IRAK1BP1: variants seen among roughly 807,000 people sequenced by gnomAD.
IRAK1BP1 encodes interleukin 1 receptor associated kinase 1 binding protein 1.
In IRAK1BP1, 24 loss-of-function variants were observed where a neutral mutation model predicts 28.0. That is an observed-to-expected ratio of 0.86 (90% CI 0.62 to 1.20). The LOEUF is 1.20. IRAK1BP1 is among the 50% of genes most tolerant of loss of function. The pLI is 0.00. For missense variants in IRAK1BP1, 336 were observed against 316.7 expected, an observed-to-expected ratio of 1.06 and a Z score of -0.46; for synonymous variants, 131 against 116.3, an observed-to-expected ratio of 1.13 and a Z score of -0.81.
At chr6:78,954,466 A>T in the IRAK1BP1 span, among the ~76,000 whole-genome samples, 1 of 152,124 alleles carries the variant, frequency 6.6e-6, no homozygotes, top group Admixed American at 6.6e-5. Flanking sequence ...CGTAGGCATT[A>T]TTCTTTTTTT....
intron 4 of IRAK1BP1, among the ~76,000 whole-genome samples, chr6:78,928,703 T>G (rs1772958394): frequency 6.6e-6 from 1 of 152,162 alleles, no homozygotes; most frequent in Admixed American, 6.5e-5. Context: ...CTATGTCCAG[T>G]TTCTTGAGCA....
intron 2 of IRAK1BP1, among the ~76,000 whole-genome samples, chr6:78,891,632 T>C (rs1771665677): frequency 6.6e-6 from 1 of 152,130 alleles, no homozygotes; most frequent in Non-Finnish European, 1.5e-5. Flanking sequence ...TGGCTAATTT[T>C]TGTAATTTTA....
chr6:78,930,438 G>A (rs570581266), intron 4 of IRAK1BP1, among the ~76,000 whole-genome samples: 1 of 151,910 alleles, frequency 6.6e-6, no homozygotes, highest in Non-Finnish European at 1.5e-5. Context: ...GTTCATTTTT[G>A]CAAATTCAAG....
chr6:78,966,124 G>A, the IRAK1BP1 span: 24 of 984,948 alleles, frequency 2.4e-5, no homozygotes, highest in South Asian at 5.2e-5. Flanking sequence ...TTTTCCTAAC[G>A]TTAACCTTTA....
intron 1 of IRAK1BP1, among the ~76,000 whole-genome samples, chr6:78,869,110 A>G (rs1489432131): frequency 1.3e-5 from 2 of 152,282 alleles, no homozygotes; most frequent in Non-Finnish European, 2.9e-5. Context: ...AGTGGGTTTA[A>G]TATGTAGAAA....
At chr6:78,885,726 G>A (rs1405595867) in intron 2 of IRAK1BP1, among the ~76,000 whole-genome samples, 16 of 152,046 alleles carry the variant, frequency 1.1e-4, no homozygotes, top group Non-Finnish European at 2.4e-4. Flanking sequence ...TGACACTACA[G>A]GAGAGAAATT....
chr6:78,875,506 TAAAG>T (rs77607930), intron 1 of IRAK1BP1, among the ~76,000 whole-genome samples: 50,177 of 151,788 alleles, frequency 0.33, 9,768 homozygotes, highest in East Asian at 0.68. Flanking sequence ...ATGGATTAGA[TAAAG>T]AAAATGTGAT....
At chr6:78,972,069 G>A in the IRAK1BP1 span, among the ~76,000 whole-genome samples, 1 of 152,080 alleles carries the variant, frequency 6.6e-6, no homozygotes, top group Non-Finnish European at 1.5e-5. Context: ...TCCACCTCTG[G>A]GGGCAGGGCA....
chr6:78,932,415 CTTTTTCTTTTTTTTT>C (rs1233332513), intron 4 of IRAK1BP1, among the ~76,000 whole-genome samples: 2 of 120,006 alleles, frequency 1.7e-5, no homozygotes, highest in Non-Finnish European at 3.6e-5. Flanking sequence ...TCTTTTCTTT[CTTTTTCTTTTTTTTT>C]TTTTTTTTGA....
At chr6:78,917,291 A>G (rs1290111225) in intron 4 of IRAK1BP1, among the ~76,000 whole-genome samples, 1 of 151,952 alleles carries the variant, frequency 6.6e-6, no homozygotes, top group Non-Finnish European at 1.5e-5. Context: ...GGAAAGCTTT[A>G]TCAATAGACT....
chr6:78,894,541 A>G (rs913551565), intron 2 of IRAK1BP1, among the ~76,000 whole-genome samples: 3 of 152,214 alleles, frequency 2.0e-5, no homozygotes, highest in Non-Finnish European at 4.4e-5. Context: ...AAATATTTAT[A>G]CATATAATAA....
At chr6:78,966,734 TCTAAATATTCTCATGTTC>T in the IRAK1BP1 span, among the ~76,000 whole-genome samples, 2 of 152,252 alleles carry the variant, frequency 1.3e-5, no homozygotes, top group Non-Finnish European at 2.9e-5. Flanking sequence ...CTTTTTCTTA[TCTAAATATTCTCATGTTC>T]CTTCTGTGTC....
chr6:78,943,781 G>A (rs1237111119), intron 4 of IRAK1BP1, among the ~76,000 whole-genome samples: 3 of 152,034 alleles, frequency 2.0e-5, no homozygotes, highest in Non-Finnish European at 4.4e-5. Context: ...GAGGCCAGAA[G>A]TTTGAGACCA....
At chr6:78,889,489 A>G (rs928050389) in intron 2 of IRAK1BP1, among the ~76,000 whole-genome samples, 17 of 151,832 alleles carry the variant, frequency 1.1e-4, no homozygotes, top group African/African-American at 3.9e-4. Context: ...TGAAGAGGCA[A>G]CCTTCAGAAT....
At chr6:78,975,787 G>T in the IRAK1BP1 span, among the ~76,000 whole-genome samples, 48 of 151,530 alleles carry the variant, frequency 3.2e-4, no homozygotes, top group African/African-American at 1.1e-3. Context: ...GCTTCAAAGA[G>T]AATAAAATAC....
the IRAK1BP1 span, among the ~76,000 whole-genome samples, chr6:78,964,975 T>C: frequency 2.0e-5 from 3 of 152,246 alleles, no homozygotes; most frequent in Middle Eastern, 6.8e-3. Context: ...AAATGGGCAA[T>C]GAAGTGGAAA....
downstream of IRAK1BP1, chr6:78,903,116 T>C (rs1408215827): frequency 1.4e-6 from 2 of 1,391,358 alleles, no homozygotes; most frequent in African/African-American, 1.4e-5. Flanking sequence ...TGAATGTAAG[T>C]TGGTTCATTA....
At chr6:78,939,132 G>A (rs1773375697) in intron 4 of IRAK1BP1, 1 of 151,564 alleles carries the variant, frequency 6.6e-6, no homozygotes, top group African/African-American at 2.4e-5. Context: ...TAAGTATGTT[G>A]GTTTTTAAGG....
chr6:78,913,111 G>A (rs979723411), intron 4 of IRAK1BP1, among the ~76,000 whole-genome samples: 7 of 151,982 alleles, frequency 4.6e-5, no homozygotes, highest in Non-Finnish European at 7.4e-5. Flanking sequence ...CAAAGCAGGC[G>A]GATCATTAGG....
Sources: gnomAD v4.1 joint callset for allele counts (sites outside exome capture counted in the v4.1 genomes callset) on GRCh38, gnomAD v4.1.1 for gene constraint, MANE v1.5 for transcripts, NCBI Gene and HGNC (gene_info 2026-07-23, HGNC 2026-07-21) for gene names.